The following KATNIP variants were observed in gnomAD, a reference collection of about 807,000 sequenced individuals.
KATNIP encodes katanin-interacting protein.
A neutral mutation model predicts 174.0 loss-of-function variants in KATNIP; 126 were observed. That is an observed-to-expected ratio of 0.72 (90% CI 0.63 to 0.84). The LOEUF (loss-of-function observed/expected upper bound fraction) is 0.84. KATNIP is among the 40% of genes least tolerant of loss of function. The pLI is 0.00. For synonymous variants in KATNIP, 810 were observed against 835.7 expected, an observed-to-expected ratio of 0.97 and a Z score of 0.53; for missense variants, 1,958 against 2,109.7, an observed-to-expected ratio of 0.93 and a Z score of 1.41.
Position 27,647,318 on chromosome 16 carries a change from C to CA in KATNIP, c.409-1283dup, listed in dbSNP as rs781559951. On this transcript the variant is annotated intron_variant, in intron 5 of 27. Coordinates refer to ENST00000261588, the MANE Select transcript of KATNIP (RefSeq NM_015202.5). ...TGTGAGTATGTAGGCCAGGGTTTCC[C>CA]AAACAAGTCTAATCACAAAGCCCCC... Among the ~76,000 whole-genome samples, 155 of 152,076 alleles carry CA rather than the reference C, an allele frequency of 1.0e-3. 1 individual carries two copies. In the Middle Eastern group the frequency reaches 0.014, roughly 13 times the overall value.
intron 2 of KATNIP, among the ~76,000 whole-genome samples, chr16:27,592,764 A>G (rs1254311304): frequency 6.6e-6 from 1 of 152,184 alleles, no homozygotes; most frequent in African/African-American, 2.4e-5. Flanking sequence ...CATGTTGGCC[A>G]GGCTGGTCTC....
chr16:27,639,437 G>C (rs1378687056), intron 5 of KATNIP, among the ~76,000 whole-genome samples: 2 of 152,230 alleles, frequency 1.3e-5, no homozygotes, highest in Non-Finnish European at 2.9e-5. Flanking sequence ...TGTAATACTT[G>C]GGTGGACAGC....
intron 6 of KATNIP, among the ~76,000 whole-genome samples, chr16:27,667,808 G>A (rs2142585330): frequency 6.6e-6 from 1 of 152,236 alleles, no homozygotes; most frequent in African/African-American, 2.4e-5. Context: ...ACAAAACACT[G>A]ATTCTTAGCT....
At chr16:27,557,314 G>A (rs2089671396) in intron 1 of KATNIP, among the ~76,000 whole-genome samples, 1 of 151,750 alleles carries the variant, frequency 6.6e-6, no homozygotes, top group African/African-American at 2.4e-5. Context: ...ACTAATTTTT[G>A]CATTTTTAGT....
intron 2 of KATNIP, among the ~76,000 whole-genome samples, chr16:27,585,234 C>A (rs891548946): frequency 6.6e-6 from 1 of 152,140 alleles, no homozygotes; most frequent in Non-Finnish European, 1.5e-5. Context: ...AATGAGATAT[C>A]ATCTCATCCC....
intron 2 of KATNIP, among the ~76,000 whole-genome samples, chr16:27,611,269 A>G (rs2075880520): frequency 6.6e-6 from 1 of 152,232 alleles, no homozygotes; most frequent in South Asian, 2.1e-4. Flanking sequence ...GGCCAGCCAC[A>G]CAATAAGCCC....
At chr16:27,714,635 A>G (rs1396313280) in intron 13 of KATNIP, among the ~76,000 whole-genome samples, 1 of 152,196 alleles carries the variant, frequency 6.6e-6, no homozygotes, top group Non-Finnish European at 1.5e-5. Flanking sequence ...TAGAGAGAAC[A>G]TTGCTATTGA....
Position 27,648,498 on chromosome 16 carries a change from C to G in KATNIP, c.409-106C>G, listed in dbSNP as rs1373045039. On this transcript the variant is annotated intron_variant, in intron 5 of 27. Transcript: ENST00000261588. ...ATGCAGGCACACCACCCCATGGTAT[C>G]TATGCCCATAGATCCTGGCTGAACC... is the stretch of plus-strand genomic sequence containing the variant. The G allele has an allele frequency of 3.7e-6, 5 of 1,349,114 alleles. No individual in the cohort carries two copies. In the East Asian group the frequency reaches 1.2e-4, roughly 31 times the overall value. 83.6% of individuals were successfully genotyped at this position (1,349,114 alleles called of 1,614,324 possible).
At position 27,754,396 on chromosome 16, in the gene KATNIP, G is replaced by A. The variant is rs1161550666; in HGVS notation, c.3631+145G>A. 3 of 678,398 alleles carry A rather than the reference G, an allele frequency of 4.4e-6. No individual in the cohort carries two copies. The African/African-American group carries it at 5.4e-5, about 12-fold the overall frequency. The allele number at this position is 678,398 out of a possible 1,614,324, so 42.0% of individuals were successfully genotyped here. On this transcript the variant is annotated intron_variant, in intron 18 of 27. Transcript: ENST00000261588. The stretch of plus-strand genomic sequence containing the variant: ...GACACCAGGCCATGGGGCAAGTGGA[G>A]GCTGAAACCAGCCTGCGCTCAGCTC...
chr16:27,775,860 G>A (rs190017418), intron 24 of KATNIP, among the ~76,000 whole-genome samples: 1 of 152,310 alleles, frequency 6.6e-6, no homozygotes, highest in East Asian at 1.9e-4. Flanking sequence ...TACAGCATCA[G>A]CAATTCTATG....
chr16:27,614,497 C>T (rs911028433), intron 2 of KATNIP, among the ~76,000 whole-genome samples: 1 of 152,086 alleles, frequency 6.6e-6, no homozygotes, highest in African/African-American at 2.4e-5. Flanking sequence ...TTTTAAGAGA[C>T]AGGGTCTTGC....
chr16:27,612,839 G>A (rs753867370), intron 2 of KATNIP, among the ~76,000 whole-genome samples: 1 of 152,084 alleles, frequency 6.6e-6, no homozygotes, highest in Non-Finnish European at 1.5e-5. Flanking sequence ...AGCAGGCACG[G>A]TGCTACATGC....
chr16:27,628,988 T>C (rs982657223), intron 4 of KATNIP, among the ~76,000 whole-genome samples, 158 bp downstream of exon 4: 4 of 151,796 alleles, frequency 2.6e-5, no homozygotes, highest in Admixed American at 2.6e-4. Flanking sequence ...GGCAACATGG[T>C]GAAACCCTAT....
At chr16:27,587,303 C>T (rs2090939971) in intron 2 of KATNIP, among the ~76,000 whole-genome samples, 1 of 152,200 alleles carries the variant, frequency 6.6e-6, no homozygotes, top group South Asian at 2.1e-4. Flanking sequence ...CCTGTCCACA[C>T]CGTGTTCCAT....
chr16:27,762,030 G>A lies in KATNIP; in HGVS notation c.3809+440G>A, dbSNP rs115985979. Among the ~76,000 whole-genome samples, 498 of 152,288 alleles carry A rather than the reference G, an allele frequency of 3.3e-3. 6 individuals carry two copies. Among genetic ancestry groups the A allele is most frequent in the African/African-American group, 0.012 (480 of 41,552 alleles). On this transcript the variant is annotated intron_variant, in intron 19 of 27. Coordinates refer to ENST00000261588, the MANE Select transcript of KATNIP (RefSeq NM_015202.5). ...GTGATGGCTCAGGAAGCCTCCACAG[G>A]CGGTGGTGGCTGCACTTTCCCCTGC...
intron 6 of KATNIP, among the ~76,000 whole-genome samples, chr16:27,662,697 C>T (rs929394581): frequency 5.9e-5 from 9 of 152,124 alleles, no homozygotes; most frequent in Admixed American, 5.9e-4. Flanking sequence ...GCATATTTTT[C>T]AATCTTAATG....
Position 27,751,772 on chromosome 16 carries a change from G to C in KATNIP, c.3400G>C (p.Glu1134Gln). 8 of 1,614,198 alleles carry C rather than the reference G, an allele frequency of 5.0e-6. No individual in the cohort carries two copies. The highest frequency in any genetic ancestry group is 6.8e-6 in the Non-Finnish European group (8 of 1,180,034). Reference sequence around the variant, plus strand: ...ATTCACAACCGATGATGACATTCTCGAGGCCATATTCTATTCTGATGAGAT... The same window carrying C: ...ATTCACAACCGATGATGACATTCTCCAGGCCATATTCTATTCTGATGAGAT... ...ILFTTDDDIL[E>Q]AIFYSDEMFD... The change falls in exon 17 of 28, where the codon GAG (glutamate) becomes CAG (glutamine). Residue 1134 changes from glutamate (E) to glutamine (Q), a missense_variant. Transcript: ENST00000261588.
At chr16:27,685,033 A>G (rs1269833335) in intron 8 of KATNIP, among the ~76,000 whole-genome samples, 1 of 152,180 alleles carries the variant, frequency 6.6e-6, no homozygotes, top group Non-Finnish European at 1.5e-5. Context: ...CCTTTTTCCA[A>G]AAAGTTCTGA....
chr16:27,676,101 C>T (rs2078103608), intron 6 of KATNIP, among the ~76,000 whole-genome samples: 2 of 152,178 alleles, frequency 1.3e-5, no homozygotes, highest in South Asian at 4.1e-4. Context: ...GTTCCCTTTT[C>T]CTTAACAATT....
Sources: allele counts gnomAD v4.1 joint callset (sites outside exome capture counted in the v4.1 genomes callset), GRCh38; gene constraint gnomAD v4.1.1; transcripts MANE v1.5; gene names NCBI Gene and HGNC (gene_info 2026-07-23, HGNC 2026-07-21).